RALYL: variants seen among roughly 807,000 people sequenced by gnomAD.
RALYL encodes the protein RNA-binding Raly-like protein.
A neutral mutation model predicts 35.1 loss-of-function variants in RALYL; 29 were observed. That is an observed-to-expected ratio of 0.83 (90% CI 0.61 to 1.13). The LOEUF (loss-of-function observed/expected upper bound fraction) is 1.13, where lower values mean the gene tolerates loss of function less well. Ranked by LOEUF, RALYL falls within the 50% of genes most tolerant of loss-of-function variation. The probability of loss-of-function intolerance (pLI) is 0.00; values close to 1 mark genes in which losing one functional copy is unlikely to be tolerated. For missense variants in RALYL, 359 were observed against 360.4 expected, an observed-to-expected ratio of 1.00 and a Z score of 0.03; for synonymous variants, 120 against 127.6, an observed-to-expected ratio of 0.94 and a Z score of 0.40.
chr8:84,593,301 T>C (rs895329057), intron 2 of RALYL, among the ~76,000 whole-genome samples: 7 of 152,088 alleles, frequency 4.6e-5, no homozygotes, highest in Non-Finnish European at 8.8e-5. Flanking sequence ...AGGTCTTCCA[T>C]ATTGTCTGTG....
intron 2 of RALYL, among the ~76,000 whole-genome samples, chr8:84,770,146 C>A (rs1437894975): frequency 6.6e-6 from 1 of 152,110 alleles, no homozygotes; most frequent in Non-Finnish European, 1.5e-5. Flanking sequence ...GCACCCACCA[C>A]CCTAGCAGTA....
intron 2 of RALYL, among the ~76,000 whole-genome samples, chr8:84,667,628 C>T (rs1344919683): frequency 3.3e-5 from 5 of 152,042 alleles, no homozygotes; most frequent in African/African-American, 1.2e-4. Context: ...AAATTAATCT[C>T]CTCAGTCCAT....
chr8:84,253,908 ACTTCAG>A (rs1830724967), intron 1 of RALYL, among the ~76,000 whole-genome samples: 1 of 152,158 alleles, frequency 6.6e-6, no homozygotes, highest in South Asian at 2.1e-4. Context: ...TTGCCTCTCC[ACTTCAG>A]CTCAATCCAT....
intron 4 of RALYL, among the ~76,000 whole-genome samples, chr8:84,819,564 G>C (rs1270059374): frequency 6.6e-6 from 1 of 152,114 alleles, no homozygotes; most frequent in Non-Finnish European, 1.5e-5. Flanking sequence ...ACTCATTACT[G>C]TTCAATAGTA....
At chr8:84,271,504 T>G (rs1215984158) in intron 1 of RALYL, among the ~76,000 whole-genome samples, 1 of 150,614 alleles carries the variant, frequency 6.6e-6, no homozygotes, top group East Asian at 1.9e-4. Context: ...TAACATTCTA[T>G]CCAGCAGTTA....
At position 84,837,494 on chromosome 8, in the gene RALYL, T is replaced by TGGGTATTA. The variant is rs558947204; in HGVS notation, c.366-12484_366-12477dup. ...TGAGGGAAAATAAGAAGAAATACTT[T>TGGGTATTA]GGGTATTAGCCTACTCATATGAAAC... On this transcript the variant is annotated intron_variant, in intron 4 of 8. Coordinates refer to ENST00000521268, the MANE Select transcript of RALYL (RefSeq NM_173848.7). 3.5e-3 allele frequency among the ~76,000 whole-genome samples: 536 copies of TGGGTATTA among 152,252 alleles called. 5 individuals carry two copies. Among genetic ancestry groups the TGGGTATTA allele is most frequent in the African/African-American group, 0.012 (518 of 41,554 alleles).
At chr8:84,635,055 T>C (rs1459914278) in intron 2 of RALYL, among the ~76,000 whole-genome samples, 2 of 151,914 alleles carry the variant, frequency 1.3e-5, no homozygotes, top group Middle Eastern at 3.4e-3. Flanking sequence ...AATCATTCTT[T>C]ATTCCTGCCA....
rs527684800 is a variant in RALYL, at chr8:84,555,099, T to C, written c.256+25522T>C. The stretch of plus-strand genomic sequence containing the variant: ...TTCAAGACCAGCCTGACCAACATGG[T>C]GAAACCCCACCTCTACTAAAAATAC... On this transcript the variant is annotated intron_variant, in intron 2 of 8. Transcript: ENST00000521268. Among the ~76,000 whole-genome samples, 3 of 152,038 alleles carry C rather than the reference T, an allele frequency of 2.0e-5. No homozygotes were observed. The East Asian group carries it at 5.8e-4, about 29-fold the overall frequency.
chr8:84,448,472 G>A (rs561374357), intron 1 of RALYL, among the ~76,000 whole-genome samples: 1 of 151,986 alleles, frequency 6.6e-6, no homozygotes, highest in African/African-American at 2.4e-5. Context: ...TTGCATTTCT[G>A]CCCCCGCCCC....
At chr8:84,192,892 T>G in intron 1 of RALYL, among the ~76,000 whole-genome samples, 1 of 105,632 alleles carries the variant, frequency 9.5e-6, no homozygotes, top group African/African-American at 4.3e-5. Context: ...AGGGAGTGTG[T>G]GTGTGTGTGT....
intron 1 of RALYL, among the ~76,000 whole-genome samples, chr8:84,198,192 A>G (rs942973082): frequency 6.6e-6 from 1 of 152,212 alleles, no homozygotes; most frequent in Non-Finnish European, 1.5e-5. Context: ...TTTCTCCAGC[A>G]TGAAGGAGAA....
intron 1 of RALYL, among the ~76,000 whole-genome samples, chr8:84,292,978 A>T (rs1839044644): frequency 6.6e-6 from 1 of 152,098 alleles, no homozygotes; most frequent in South Asian, 2.1e-4. Context: ...CACATTTCTT[A>T]CTTTCCACAT....
intron 1 of RALYL, among the ~76,000 whole-genome samples, chr8:84,197,213 A>T (rs1815526331): frequency 6.6e-6 from 1 of 152,202 alleles, no homozygotes; most frequent in Non-Finnish European, 1.5e-5. Context: ...GTATCTAGTT[A>T]TCTGTTTCCT....
At chr8:84,346,262 C>T (rs1849820629) in intron 1 of RALYL, 1 of 159,480 alleles carries the variant, frequency 6.3e-6, no homozygotes, top group Admixed American at 6.5e-5. Flanking sequence ...GATGCAATGT[C>T]AGATGCTTCT....
chr8:84,433,021 T>C (rs1161541552), intron 1 of RALYL, among the ~76,000 whole-genome samples: 2 of 152,158 alleles, frequency 1.3e-5, no homozygotes, highest in Non-Finnish European at 2.9e-5. Flanking sequence ...TTAAGAAATA[T>C]TAAGCAAAGT....
At position 84,430,650 on chromosome 8, in the gene RALYL, A is replaced by G. The variant is rs374870045; in HGVS notation, c.-23-98649A>G. Among the ~76,000 whole-genome samples the G allele has an allele frequency of 1.5e-3, 228 of 152,270 alleles. 2 individuals are homozygous for G. The highest frequency in any genetic ancestry group is 4.5e-3 in the African/African-American group (186 of 41,566). ...TTTTTATAAAATTGCACAGCACAAGACACAGAAGCACTTTTTATAAAATTA... is the reference window on the plus strand; with the variant it reads ...TTTTTATAAAATTGCACAGCACAAGGCACAGAAGCACTTTTTATAAAATTA... On this transcript the variant is annotated intron_variant, in intron 1 of 8. Transcript: ENST00000521268.
intron 2 of RALYL, among the ~76,000 whole-genome samples, chr8:84,682,260 T>A (rs866864700): frequency 6.6e-6 from 1 of 152,320 alleles, no homozygotes; most frequent in Middle Eastern, 3.4e-3. Flanking sequence ...TATTGAGGAT[T>A]TTTGCATCAA....
intron 8 of RALYL, among the ~76,000 whole-genome samples, chr8:84,919,179 C>T (rs897457175): frequency 2.0e-5 from 3 of 151,956 alleles, no homozygotes; most frequent in Non-Finnish European, 4.4e-5. Flanking sequence ...TAGCATTTTC[C>T]ATTTATAATA....
At chr8:84,212,072 T>G (rs1819621079) in intron 1 of RALYL, among the ~76,000 whole-genome samples, 1 of 152,148 alleles carries the variant, frequency 6.6e-6, no homozygotes, top group Non-Finnish European at 1.5e-5. Context: ...TCTTAACAAT[T>G]GTGAATTCTG....
Sources: allele counts gnomAD v4.1 joint callset (sites outside exome capture counted in the v4.1 genomes callset), GRCh38; gene constraint gnomAD v4.1.1; transcripts MANE v1.5; gene names NCBI Gene and HGNC (gene_info 2026-07-23, HGNC 2026-07-21).